Variants in KPNA3 observed in about 807,000 individuals in gnomAD.
The protein encoded by KPNA3 is karyopherin subunit alpha 3.
KPNA3 carries 13 observed loss-of-function variants against 73.8 expected under a neutral mutation model. The ratio of observed to expected loss-of-function variants is 0.18; its 90% CI spans 0.11 to 0.28. KPNA3 has a LOEUF of 0.28. Ranked by LOEUF, KPNA3 falls within the 10% of genes least tolerant of loss-of-function variation. The pLI is 1.00. For synonymous variants in KPNA3, 186 were observed against 206.9 expected, an observed-to-expected ratio of 0.90 and a Z score of 0.87; for missense variants, 360 against 618.1, an observed-to-expected ratio of 0.58 and a Z score of 4.43.
intron 1 of KPNA3, among the ~76,000 whole-genome samples, chr13:49,751,478 G>T (rs1173289752): frequency 1.3e-5 from 2 of 152,062 alleles, no homozygotes; most frequent in South Asian, 2.1e-4. Context: ...GCAGCCGGGG[G>T]GGTTCTTTTT....
At chr13:49,760,865 C>T (rs1321627324) in intron 1 of KPNA3, among the ~76,000 whole-genome samples, 1 of 152,016 alleles carries the variant, frequency 6.6e-6, no homozygotes, top group Non-Finnish European at 1.5e-5. Flanking sequence ...CCAGATGGAA[C>T]AAAAAGAGGA....
chr13:49,750,992 GAA>G (rs1008103611), intron 1 of KPNA3, among the ~76,000 whole-genome samples: 1 of 147,294 alleles, frequency 6.8e-6, no homozygotes, highest in Non-Finnish European at 1.5e-5. Flanking sequence ...ATTCTGTCTC[GAA>G]AAAAAAAAGT....
intron 2 of KPNA3, among the ~76,000 whole-genome samples, chr13:49,746,723 C>T (rs1426128930): frequency 6.6e-6 from 1 of 152,162 alleles, no homozygotes; most frequent in Non-Finnish European, 1.5e-5. Flanking sequence ...TATCTAACTT[C>T]ATCAGATGTT....
Position 49,732,426 on chromosome 13 carries a change from A to G in KPNA3, c.328T>C (p.Leu110=), listed in dbSNP as rs1225562374. Reference sequence around the variant, plus strand: ...ATTGGTAAAATCCCAGATTTTATTAAGTCATCAATCGGTGGATTTCTGTCA... The same window carrying G: ...ATTGGTAAAATCCCAGATTTTATTAGGTCATCAATCGGTGGATTTCTGTCA... The part of the protein sequence containing the change: ...SSDRNPPIDD[L]IKSGILPILV... The change falls in exon 6 of 17, where the codon TTA becomes CTA. Residue 110 remains leucine, a synonymous_variant. Coordinates refer to ENST00000261667, the MANE Select transcript of KPNA3 (RefSeq NM_002267.4). The G allele has an allele frequency of 6.3e-7, 1 of 1,599,996 alleles. No homozygotes were observed. Among genetic ancestry groups the G allele is most frequent in the South Asian group, 1.1e-5 (1 of 89,112 alleles).
intron 7 of KPNA3, among the ~76,000 whole-genome samples, chr13:49,724,878 T>C (rs1954395363): frequency 6.6e-6 from 1 of 152,250 alleles, no homozygotes; most frequent in African/African-American, 2.4e-5. Context: ...ATTAGAGGCA[T>C]GAGCCACCTG....
chr13:49,772,393 A>G lies in KPNA3; in HGVS notation c.69+20045T>C, dbSNP rs946747250. On this transcript the variant is annotated intron_variant, in intron 1 of 16. Transcript: ENST00000261667. ...CTCTACACACTTGGTAAAATAATGA[A>G]AATTTAAAAGACTGGCAAAACAAAG... Among the ~76,000 whole-genome samples the G allele has an allele frequency of 3.0e-4, 46 of 152,368 alleles. 1 individual carries two copies. The Middle Eastern group carries it at 0.014, about 45-fold the overall frequency.
chr13:49,762,827 T>C (rs1326339424), intron 1 of KPNA3, among the ~76,000 whole-genome samples: 1 of 143,664 alleles, frequency 7.0e-6, no homozygotes, highest in Admixed American at 7.3e-5. Context: ...CCCTGCCAAA[T>C]CCCCCTCTGC....
Position 49,701,671 on chromosome 13 carries a change from G to T in KPNA3, c.*129C>A. The T allele has an allele frequency of 1.3e-6, 1 of 774,266 alleles. No homozygotes were observed. The highest frequency in any genetic ancestry group is 2.4e-6 in the Non-Finnish European group (1 of 418,958). The allele number at this position is 774,266 out of a possible 1,614,324, so 48.0% of individuals were successfully genotyped here. A position where few individuals can be genotyped will look rare whatever the true frequency, so the allele number is the denominator to read the frequency against. On this transcript the variant is annotated 3_prime_UTR_variant, in exon 17 of 17. Coordinates refer to ENST00000261667, the MANE Select transcript of KPNA3 (RefSeq NM_002267.4). Reference sequence around the variant, plus strand: ...CTGCAAAGTGACTGAGACATGGCTTGCTTTAGAAGCATCAAAACAAAGAGG... The same window carrying T: ...CTGCAAAGTGACTGAGACATGGCTTTCTTTAGAAGCATCAAAACAAAGAGG...
At chr13:49,732,567 A>G in intron 5 of KPNA3, 38 bp downstream of exon 5, 3 of 1,529,084 alleles carry the variant, frequency 2.0e-6, no homozygotes, top group Non-Finnish European at 2.7e-6. Flanking sequence ...ACAACTGAGG[A>G]ATGACATAAT....
chr13:49,780,417 CT>C (rs1384867842), intron 1 of KPNA3, among the ~76,000 whole-genome samples: 6 of 152,048 alleles, frequency 3.9e-5, no homozygotes, highest in Non-Finnish European at 7.4e-5. Context: ...GTCCTAATAA[CT>C]TTTTCTGCTT....
At chr13:49,771,268 C>T (rs1954853344) in intron 1 of KPNA3, among the ~76,000 whole-genome samples, 1 of 152,158 alleles carries the variant, frequency 6.6e-6, no homozygotes. Flanking sequence ...AACATTAACT[C>T]TTCCAATCCA....
chr13:49,700,901 T>C lies in KPNA3; in HGVS notation c.*899A>G, dbSNP rs1014308138. On this transcript the variant is annotated 3_prime_UTR_variant, in exon 17 of 17. Transcript: ENST00000261667. ...TGGGTATTTTAGACTTTTGCAGTTTTTTTTTGTTTGCTTTTTGTTTTGCTG... is the reference window on the plus strand; with the variant it reads ...TGGGTATTTTAGACTTTTGCAGTTTCTTTTTGTTTGCTTTTTGTTTTGCTG... 1 of 152,588 alleles carries C rather than the reference T, an allele frequency of 6.6e-6. No individual in the cohort carries two copies. Among genetic ancestry groups the C allele is most frequent in the African/African-American group, 2.4e-5 (1 of 41,448 alleles). 9.5% of individuals were successfully genotyped at this position (152,588 alleles called of 1,614,324 possible).
chr13:49,743,149 G>GT (rs1334218700), intron 2 of KPNA3, among the ~76,000 whole-genome samples: 1 of 152,150 alleles, frequency 6.6e-6, no homozygotes, highest in Non-Finnish European at 1.5e-5. Flanking sequence ...ATGGAGTAAA[G>GT]TGAGTTACAA....
intron 2 of KPNA3, among the ~76,000 whole-genome samples, chr13:49,735,088 A>G (rs1234918013): frequency 2.6e-5 from 4 of 152,158 alleles, no homozygotes; most frequent in African/African-American, 4.8e-5. Flanking sequence ...ATCCTAACAT[A>G]GACCAAAATA....
chr13:49,784,675 T>G (rs1566363103), intron 1 of KPNA3, among the ~76,000 whole-genome samples: 1 of 152,072 alleles, frequency 6.6e-6, no homozygotes, highest in Non-Finnish European at 1.5e-5. Flanking sequence ...AAGCTTGGAG[T>G]TGATTTGGGA....
chr13:49,747,613 G>C (rs1233962104), intron 1 of KPNA3, among the ~76,000 whole-genome samples: 2 of 152,220 alleles, frequency 1.3e-5, no homozygotes, highest in Non-Finnish European at 2.9e-5. Flanking sequence ...TTGAACCTGG[G>C]AGACGGAGGT....
intron 1 of KPNA3, among the ~76,000 whole-genome samples, chr13:49,752,726 G>C (rs1954673896): frequency 6.6e-6 from 1 of 152,094 alleles, no homozygotes; most frequent in African/African-American, 2.4e-5. Flanking sequence ...AATCAGAAAT[G>C]AAGGTGAAAA....
chr13:49,790,355 T>C (rs1011350330), intron 1 of KPNA3, among the ~76,000 whole-genome samples: 1 of 152,192 alleles, frequency 6.6e-6, no homozygotes, highest in Non-Finnish European at 1.5e-5. Context: ...TAGTCCCAGC[T>C]ACTTGGGAGG....
intron 10 of KPNA3, among the ~76,000 whole-genome samples, chr13:49,716,072 G>T (rs545219716): frequency 6.6e-6 from 1 of 152,104 alleles, no homozygotes; most frequent in East Asian, 1.9e-4. Context: ...TTTTCAGTGG[G>T]GTCTCCATGA....
Sources: allele counts gnomAD v4.1 joint callset (sites outside exome capture counted in the v4.1 genomes callset), GRCh38; gene constraint gnomAD v4.1.1; transcripts MANE v1.5; gene names NCBI Gene and HGNC (gene_info 2026-07-23, HGNC 2026-07-21).